The following CLASP1 variants were observed in gnomAD, a reference collection of about 807,000 sequenced individuals.
The protein encoded by CLASP1 is cytoplasmic linker associated protein 1.
Under a neutral mutation model 192.3 loss-of-function variants are expected in CLASP1, and 38 were observed. The ratio of observed to expected loss-of-function variants is 0.20; its 90% CI spans 0.15 to 0.26. The LOEUF (loss-of-function observed/expected upper bound fraction) is 0.26, where lower values mean the gene tolerates loss of function less well. Ranked by LOEUF, CLASP1 falls within the 10% of genes least tolerant of loss-of-function variation. The probability of loss-of-function intolerance (pLI) is 1.00; values close to 1 mark genes in which losing one functional copy is unlikely to be tolerated. For synonymous variants in CLASP1, 691 were observed against 712.8 expected (o/e 0.97, Z 0.49); for missense variants, 1,433 against 1,932.5 (o/e 0.74, Z 4.85).
At chr2:121,482,438 C>T (rs2092667922) in intron 8 of CLASP1, among the ~76,000 whole-genome samples, 1 of 152,246 alleles carries the variant, frequency 6.6e-6, no homozygotes, top group South Asian at 2.1e-4. Flanking sequence ...TAATACTATG[C>T]CTTCCTCAGA....
At chr2:121,541,645 C>G (rs1054934811) in intron 2 of CLASP1, among the ~76,000 whole-genome samples, 10 of 152,204 alleles carry the variant, frequency 6.6e-5, no homozygotes, top group Non-Finnish European at 1.2e-4. Context: ...CTACACCTCT[C>G]TGAGGCTCTG....
intron 28 of CLASP1, among the ~76,000 whole-genome samples, chr2:121,398,932 C>G (rs776087941): frequency 6.6e-6 from 1 of 152,210 alleles, no homozygotes; most frequent in Non-Finnish European, 1.5e-5. Flanking sequence ...CACACAGAAG[C>G]CTGGGGTCCC....
At chr2:121,381,685 T>C (rs1460431364) in intron 33 of CLASP1, among the ~76,000 whole-genome samples, 1 of 152,202 alleles carries the variant, frequency 6.6e-6, no homozygotes, top group Admixed American at 6.5e-5. Context: ...ATCCTGCCTC[T>C]TGGGGACTCC....
intron 39 of CLASP1, among the ~76,000 whole-genome samples, chr2:121,341,415 G>A (rs1039212210): frequency 6.6e-6 from 1 of 152,162 alleles, no homozygotes; most frequent in Admixed American, 6.5e-5. Context: ...TGAGTAGCTG[G>A]GACTACAGGC....
chr2:121,502,233 G>A (rs1159544541), intron 8 of CLASP1, among the ~76,000 whole-genome samples: 1 of 152,026 alleles, frequency 6.6e-6, no homozygotes, highest in Non-Finnish European at 1.5e-5. Context: ...TCACAAGCCA[G>A]GGACTCTTCA....
chr2:121,470,295 T>TTTTC (rs1452362070), intron 8 of CLASP1: 2 of 205,508 alleles, frequency 9.7e-6, no homozygotes, highest in African/African-American at 1.4e-4. Context: ...CATCCATGCT[T>TTTTC]TTTTTTTTTT....
At chr2:121,512,867 C>T (rs1170678756) in intron 7 of CLASP1, 6 of 152,072 alleles carry the variant, frequency 3.9e-5, no homozygotes, top group Non-Finnish European at 8.8e-5. Flanking sequence ...GTGAACAAAC[C>T]CTTATGAAGA....
intron 9 of CLASP1, among the ~76,000 whole-genome samples, chr2:121,463,975 C>T (rs1280847460): frequency 6.8e-6 from 1 of 147,470 alleles, no homozygotes; most frequent in East Asian, 2.0e-4. Context: ...AGGTATATCT[C>T]CTAAAGCTAT....
intron 2 of CLASP1, among the ~76,000 whole-genome samples, chr2:121,563,540 A>T (rs767892724): frequency 2.0e-5 from 3 of 152,210 alleles, no homozygotes; most frequent in Non-Finnish European, 4.4e-5. Flanking sequence ...AAAATATGCT[A>T]ACTTGTTCTA....
chr2:121,352,979 C>T (rs763391570), intron 37 of CLASP1, among the ~76,000 whole-genome samples: 8 of 152,118 alleles, frequency 5.3e-5, no homozygotes, highest in Non-Finnish European at 1.0e-4. Flanking sequence ...TCTACTTTCA[C>T]AGTTATCTGA....
chr2:121,519,578 A>T (rs1377571669), intron 6 of CLASP1, among the ~76,000 whole-genome samples: 2 of 152,220 alleles, frequency 1.3e-5, no homozygotes, highest in Non-Finnish European at 2.9e-5. Context: ...ACAAGCATAC[A>T]CACACCCACA....
At chr2:121,430,240 A>G (rs972122907) in intron 19 of CLASP1, 63 bp from the exon 20 acceptor site, 3 of 1,280,832 alleles carry the variant, frequency 2.3e-6, no homozygotes, top group South Asian at 1.3e-5. Context: ...TCCTCAAGAA[A>G]AGAAGCCATG....
chr2:121,365,900 T>G (rs2149254200), intron 35 of CLASP1, among the ~76,000 whole-genome samples: 1 of 152,370 alleles, frequency 6.6e-6, no homozygotes, highest in South Asian at 2.1e-4. Context: ...TGCAGGGCTG[T>G]GAACACGGTT....
intron 7 of CLASP1, among the ~76,000 whole-genome samples, chr2:121,509,076 A>G (rs1225716550): frequency 1.3e-5 from 2 of 152,252 alleles, no homozygotes; most frequent in East Asian, 1.9e-4. Flanking sequence ...AATGGATTTT[A>G]AAAACCAGAA....
intron 2 of CLASP1, among the ~76,000 whole-genome samples, chr2:121,571,082 C>T (rs1292133237): frequency 6.6e-6 from 1 of 151,766 alleles, no homozygotes; most frequent in African/African-American, 2.4e-5. Context: ...AATGACAAGG[C>T]ACATTAAGCA....
chr2:121,572,527 GAA>G (rs922349612), intron 2 of CLASP1, among the ~76,000 whole-genome samples: 1 of 152,054 alleles, frequency 6.6e-6, no homozygotes, highest in African/African-American at 2.4e-5. Context: ...TTATTTCAGA[GAA>G]AAAAACTACT....
intron 35 of CLASP1, 71 bp from the exon 37 acceptor site, chr2:121,365,355 G>T: frequency 7.3e-7 from 1 of 1,378,074 alleles, no homozygotes; most frequent in Non-Finnish European, 1.0e-6. Context: ...TCAGTGGTGC[G>T]CAGTGATCCT....
chr2:121,530,828 AC>A (rs1240056113), intron 2 of CLASP1: 4 of 655,210 alleles, frequency 6.1e-6, no homozygotes, highest in South Asian at 1.6e-5. Context: ...AATTACCACA[AC>A]CCTACCAGGT....
chr2:121,600,971 A>G (rs77168227), intron 2 of CLASP1, among the ~76,000 whole-genome samples: 2,335 of 152,324 alleles, frequency 0.015, 17 homozygotes, highest in Middle Eastern at 0.044. Flanking sequence ...ATGAAAGAAA[A>G]GTCTGCTGGG....
Sources: allele counts gnomAD v4.1 joint callset (sites outside exome capture counted in the v4.1 genomes callset), GRCh38; gene constraint gnomAD v4.1.1; transcripts MANE v1.5; gene names NCBI Gene and HGNC (gene_info 2026-07-23, HGNC 2026-07-21).